The following ERC1 variants were observed in gnomAD, a reference collection of about 807,000 sequenced individuals.
ERC1 encodes the protein RAB6 interacting protein 2.
In ERC1, 56 loss-of-function variants were observed where a neutral mutation model predicts 132.0. The observed-to-expected ratio is 0.42, with a 90% confidence interval of 0.34 to 0.53. The LOEUF (loss-of-function observed/expected upper bound fraction) is 0.53, where lower values mean the gene tolerates loss of function less well. ERC1 is among the 20% of genes least tolerant of loss of function. The pLI is 0.03. For missense variants in ERC1, 1,202 were observed against 1,349.9 expected, an observed-to-expected ratio of 0.89 and a Z score of 1.72; for synonymous variants, 478 against 476.1, an observed-to-expected ratio of 1.00 and a Z score of -0.05.
At chr12:1,484,831 CCT>C (rs2094176189) in intron 18 of ERC1, among the ~76,000 whole-genome samples, 3 of 152,084 alleles carry the variant, frequency 2.0e-5, no homozygotes, top group Non-Finnish European at 4.4e-5. Context: ...GCGCCTGCCA[CCT>C]CAGCCTCCCA....
At chr12:1,309,028 CTG>C (rs2081089843) in intron 15 of ERC1, among the ~76,000 whole-genome samples, 1 of 152,222 alleles carries the variant, frequency 6.6e-6, no homozygotes, top group Admixed American at 6.5e-5. Flanking sequence ...TAGATGCCAT[CTG>C]TGAACCAGAA....
chr12:1,320,740 C>G (rs534128628), intron 15 of ERC1, among the ~76,000 whole-genome samples: 5 of 152,096 alleles, frequency 3.3e-5, no homozygotes, highest in African/African-American at 1.2e-4. Flanking sequence ...CTCACTCTGT[C>G]GCCCAGGCTG....
intron 2 of ERC1, among the ~76,000 whole-genome samples, chr12:1,029,858 C>G (rs534669511): frequency 9.9e-5 from 15 of 151,402 alleles, no homozygotes; most frequent in Admixed American, 8.6e-4. Flanking sequence ...AGTGATTCTC[C>G]TGTCTCAGCC....
intron 2 of ERC1, among the ~76,000 whole-genome samples, chr12:1,050,534 G>T (rs1422855093): frequency 6.6e-6 from 1 of 152,146 alleles, no homozygotes; most frequent in East Asian, 1.9e-4. Context: ...TCAGGAATCT[G>T]TATTTGTGAA....
At chr12:1,160,083 A>G (rs902455448) in intron 8 of ERC1, among the ~76,000 whole-genome samples, 3 of 101,760 alleles carry the variant, frequency 2.9e-5, no homozygotes, top group East Asian at 2.0e-4. Context: ...GTCTAACAGT[A>G]ATTTAGTCTG....
chr12:1,041,133 T>G (rs1475356573), intron 2 of ERC1, among the ~76,000 whole-genome samples: 1 of 152,070 alleles, frequency 6.6e-6, no homozygotes, highest in Non-Finnish European at 1.5e-5. Context: ...ATTAGTACAT[T>G]TAGAAACAAT....
intron 17 of ERC1, among the ~76,000 whole-genome samples, chr12:1,438,813 C>T (rs776422273): frequency 2.6e-5 from 4 of 151,936 alleles, no homozygotes; most frequent in Admixed American, 6.6e-5. Flanking sequence ...TATGGTGGTG[C>T]ATGCCTATAG....
At chr12:1,185,213 GT>G (rs1016463353) in intron 11 of ERC1, among the ~76,000 whole-genome samples, 1 of 150,748 alleles carries the variant, frequency 6.6e-6, no homozygotes, top group Non-Finnish European at 1.5e-5. Context: ...CTGGCCTTTT[GT>G]TTTTTTTTAA....
intron 15 of ERC1, among the ~76,000 whole-genome samples, chr12:1,292,642 T>A (rs757534032): frequency 1.3e-5 from 2 of 151,912 alleles, no homozygotes; most frequent in Non-Finnish European, 1.5e-5. Context: ...CTAAGAAGAG[T>A]CCAGTACTAA....
intron 17 of ERC1, among the ~76,000 whole-genome samples, chr12:1,427,031 A>T (rs2092663158): frequency 6.6e-6 from 1 of 152,038 alleles, no homozygotes; most frequent in Non-Finnish European, 1.5e-5. Context: ...TTTATTCTTA[A>T]CTAGAATTTC....
intron 15 of ERC1, among the ~76,000 whole-genome samples, chr12:1,361,543 T>G (rs2086124001): frequency 6.6e-6 from 1 of 152,224 alleles, no homozygotes; most frequent in Admixed American, 6.5e-5. Flanking sequence ...AGAACTGTGC[T>G]TAAATACCAG....
intron 11 of ERC1, among the ~76,000 whole-genome samples, chr12:1,184,114 C>T (rs1365285777): frequency 3.6e-5 from 5 of 137,418 alleles, no homozygotes; most frequent in South Asian, 2.2e-4. Context: ...CCAGCCTGGG[C>T]GACAGAGCAA....
chr12:1,363,413 A>C (rs1222062713), intron 15 of ERC1, among the ~76,000 whole-genome samples: 2 of 152,134 alleles, frequency 1.3e-5, no homozygotes, highest in Non-Finnish European at 2.9e-5. Context: ...TCATTTACTG[A>C]GCTATAATCA....
intron 16 of ERC1, among the ~76,000 whole-genome samples, chr12:1,385,345 T>C (rs2089198688): frequency 7.9e-5 from 12 of 152,230 alleles, no homozygotes; most frequent in Admixed American, 7.2e-4. Context: ...TGCAGTGGTG[T>C]GATCACGGCT....
intron 13 of ERC1, among the ~76,000 whole-genome samples, chr12:1,255,064 G>A (rs915836664): frequency 1.3e-5 from 2 of 151,704 alleles, no homozygotes; most frequent in South Asian, 4.2e-4. Context: ...ACCTACATTA[G>A]CTATTTTCTC....
chr12:1,201,911 G>T (rs1474873868), intron 12 of ERC1, among the ~76,000 whole-genome samples: 2 of 152,172 alleles, frequency 1.3e-5, no homozygotes, highest in Non-Finnish European at 2.9e-5. Flanking sequence ...GGTTAGAGTG[G>T]AAGAGAGATG....
intron 17 of ERC1, among the ~76,000 whole-genome samples, chr12:1,422,312 C>T (rs2092458455): frequency 6.6e-6 from 1 of 152,154 alleles, no homozygotes; most frequent in African/African-American, 2.4e-5. Context: ...CTTGCAAAAG[C>T]AATTTTATAT....
intron 12 of ERC1, chr12:1,190,294 AAG>A (rs1185213282): frequency 1.1e-5 from 7 of 611,378 alleles, no homozygotes; most frequent in South Asian, 6.2e-5. Context: ...ATTGGCAAAA[AAG>A]AGAGTATTCA....
chr12:1,272,044 G>A (rs984764372), intron 14 of ERC1, among the ~76,000 whole-genome samples: 2 of 152,208 alleles, frequency 1.3e-5, no homozygotes, highest in African/African-American at 4.8e-5. Flanking sequence ...CCATAATGGC[G>A]AAGAAGGTGG....
Sources: gnomAD v4.1 joint callset for allele counts (sites outside exome capture counted in the v4.1 genomes callset) on GRCh38, gnomAD v4.1.1 for gene constraint, MANE v1.5 for transcripts, NCBI Gene and HGNC (gene_info 2026-07-23, HGNC 2026-07-21) for gene names.